The following DLG2 variants were observed in gnomAD, a reference collection of about 807,000 sequenced individuals.
DLG2 encodes the protein discs large MAGUK scaffold protein 2.
In DLG2, 45 loss-of-function variants were observed where a neutral mutation model predicts 132.5. The observed-to-expected ratio is 0.34, with a 90% CI of 0.27 to 0.44. DLG2 has a LOEUF of 0.44. Among genes scored for constraint, DLG2 ranks in the 20% least tolerant of loss-of-function variants. The pLI is 1.00. For missense variants in DLG2, 1,045 were observed against 1,196.9 expected (o/e 0.87, Z 1.87); for synonymous variants, 424 against 419.6 (o/e 1.01, Z -0.13).
chr11:84,376,382 CA>C (rs1405779460), intron 7 of DLG2, among the ~76,000 whole-genome samples: 1 of 151,870 alleles, frequency 6.6e-6, no homozygotes, highest in Non-Finnish European at 1.5e-5. Context: ...TTAGGAAAAT[CA>C]TTCTAGAAAT....
chr11:84,496,795 C>G (rs1342321543), intron 7 of DLG2, among the ~76,000 whole-genome samples: 2 of 152,040 alleles, frequency 1.3e-5, no homozygotes, highest in African/African-American at 4.8e-5. Flanking sequence ...AAAAAGGAAG[C>G]CCCATGTGAA....
At chr11:83,894,764 C>CT (rs941668274) in intron 15 of DLG2, among the ~76,000 whole-genome samples, 2 of 152,196 alleles carry the variant, frequency 1.3e-5, no homozygotes, top group African/African-American at 2.4e-5. Flanking sequence ...TCTAACTATA[C>CT]TTTTTTTACC....
intron 7 of DLG2, among the ~76,000 whole-genome samples, chr11:84,303,626 C>A (rs2098181853): frequency 6.6e-6 from 1 of 152,286 alleles, no homozygotes; most frequent in South Asian, 2.1e-4. Flanking sequence ...TAGTACTCTA[C>A]CTTTCATCAC....
intron 7 of DLG2, among the ~76,000 whole-genome samples, chr11:84,264,690 T>G (rs1222202553): frequency 6.6e-6 from 1 of 152,182 alleles, no homozygotes; most frequent in Non-Finnish European, 1.5e-5. Context: ...GAACCTTCAT[T>G]TGTTTTATAA....
chr11:83,864,353 T>C (rs1445608351), intron 16 of DLG2, among the ~76,000 whole-genome samples: 2 of 152,228 alleles, frequency 1.3e-5, no homozygotes, highest in African/African-American at 4.8e-5. Flanking sequence ...GGCCTTTTTC[T>C]TCTTGATTTT....
chr11:84,225,904 G>C (rs915063475), intron 8 of DLG2, among the ~76,000 whole-genome samples: 4 of 151,866 alleles, frequency 2.6e-5, no homozygotes, highest in Non-Finnish European at 4.4e-5. Flanking sequence ...TCCTCTTCCA[G>C]AGTTCAAGCA....
chr11:85,048,262 T>C (rs866452879), intron 6 of DLG2, among the ~76,000 whole-genome samples: 3 of 152,100 alleles, frequency 2.0e-5, no homozygotes, highest in Middle Eastern at 3.4e-3. Flanking sequence ...ATTGTCCTTC[T>C]ATGCAATATT....
At chr11:84,721,877 C>A (rs1393445892) in intron 6 of DLG2, among the ~76,000 whole-genome samples, 1 of 152,236 alleles carries the variant, frequency 6.6e-6, no homozygotes, top group Non-Finnish European at 1.5e-5. Context: ...GACAGATATA[C>A]TGAACAACAC....
intron 7 of DLG2, among the ~76,000 whole-genome samples, chr11:84,300,534 C>A: frequency 6.6e-6 from 1 of 152,148 alleles, no homozygotes; most frequent in African/African-American, 2.4e-5. Flanking sequence ...AACTACTTTC[C>A]TATTTGTATT....
intron 6 of DLG2, among the ~76,000 whole-genome samples, chr11:85,059,871 T>C (rs2063859422): frequency 6.6e-6 from 1 of 151,736 alleles, no homozygotes; most frequent in Admixed American, 6.6e-5. Flanking sequence ...TCTGCATTGA[T>C]ATTTTATTTC....
intron 17 of DLG2, among the ~76,000 whole-genome samples, chr11:83,793,621 G>A (rs914100151): frequency 4.6e-5 from 7 of 152,114 alleles, no homozygotes; most frequent in African/African-American, 1.7e-4. Flanking sequence ...AGACAAAACG[G>A]GTTAAATCTC....
chr11:84,715,249 G>C (rs1295227937), intron 6 of DLG2, among the ~76,000 whole-genome samples: 1 of 152,114 alleles, frequency 6.6e-6, no homozygotes, highest in African/African-American at 2.4e-5. Flanking sequence ...TCAAGTTTTA[G>C]CCATGTTTCT....
intron 2 of DLG2, among the ~76,000 whole-genome samples, chr11:85,614,301 G>A (rs1006644618): frequency 1.8e-4 from 28 of 151,428 alleles, no homozygotes; most frequent in African/African-American, 5.8e-4. Flanking sequence ...CAACAGAAAA[G>A]TTAGTCTTGA....
At chr11:83,482,114 A>G (rs947455754) in intron 22 of DLG2, among the ~76,000 whole-genome samples, 3 of 152,108 alleles carry the variant, frequency 2.0e-5, no homozygotes, top group African/African-American at 4.8e-5. Context: ...TAGTAACTCA[A>G]AAATAAAGTT....
At chr11:83,756,830 TACA>T (rs1566843155) in intron 18 of DLG2, among the ~76,000 whole-genome samples, 1 of 152,110 alleles carries the variant, frequency 6.6e-6, no homozygotes, top group Non-Finnish European at 1.5e-5. Context: ...TAACATAAAA[TACA>T]ACATTTGTAT....
intron 6 of DLG2, among the ~76,000 whole-genome samples, chr11:84,945,048 A>G (rs2050023666): frequency 6.6e-6 from 1 of 152,078 alleles, no homozygotes; most frequent in South Asian, 2.1e-4. Flanking sequence ...TACCTGATTT[A>G]GTTTATTTGG....
chr11:84,196,352 G>A (rs1159699373), intron 8 of DLG2, among the ~76,000 whole-genome samples: 1 of 152,168 alleles, frequency 6.6e-6, no homozygotes, highest in Non-Finnish European at 1.5e-5. Context: ...GGGTATAGGG[G>A]TAAGAGAAAA....
At chr11:85,259,372 C>T (rs2076828285) in intron 4 of DLG2, among the ~76,000 whole-genome samples, 1 of 152,098 alleles carries the variant, frequency 6.6e-6, no homozygotes, top group South Asian at 2.1e-4. Context: ...GCCTGTATAT[C>T]CTGCAGAACT....
At chr11:83,835,566 C>T (rs1006155636) in intron 16 of DLG2, among the ~76,000 whole-genome samples, 2 of 152,106 alleles carry the variant, frequency 1.3e-5, no homozygotes, top group African/African-American at 4.8e-5. Flanking sequence ...ACTAGGAGGC[C>T]ACTGTGGCTG....
Sources: gnomAD v4.1 joint callset for allele counts (sites outside exome capture counted in the v4.1 genomes callset) on GRCh38, gnomAD v4.1.1 for gene constraint, MANE v1.5 for transcripts, NCBI Gene and HGNC (gene_info 2026-07-23, HGNC 2026-07-21) for gene names.